The following RASSF8 variants were observed in gnomAD, a reference collection of about 807,000 sequenced individuals.
The protein encoded by RASSF8 is ras association domain-containing protein 8.
RASSF8 carries 22 observed loss-of-function variants against 48.5 expected under a neutral mutation model. The ratio of observed to expected loss-of-function variants is 0.45; its 90% confidence interval spans 0.32 to 0.65. The LOEUF is 0.65. RASSF8 is among the 30% of genes least tolerant of loss of function. The pLI, the probability that RASSF8 is intolerant of heterozygous loss-of-function variation, is 0.03. For missense variants in RASSF8, 418 were observed against 489.2 expected (o/e 0.85, Z 1.37); for synonymous variants, 127 against 171.5 (o/e 0.74, Z 2.03).
Position 26,070,910 on chromosome 12 carries a change from C to T in RASSF8, c.*2092C>T. 1.0e-6 allele frequency: 1 copy of T among 984,738 alleles called. No homozygotes were observed. Among genetic ancestry groups the T allele is most frequent in the African/African-American group, 1.7e-5 (1 of 57,318 alleles). 61.0% of individuals were successfully genotyped at this position (984,738 alleles called of 1,614,324 possible). A position where few individuals can be genotyped will look rare whatever the true frequency, so the allele number is the denominator to read the frequency against. On this transcript the variant is annotated 3_prime_UTR_variant, in exon 6 of 6. Transcript: ENST00000689635. ...CATTATAAATTGTTATCAGAATTAA[C>T]CTAATAACTTTAAGTAAGGACAAGC... is the stretch of plus-strand genomic sequence containing the variant.
intron 2 of RASSF8, among the ~76,000 whole-genome samples, chr12:26,036,276 A>G (rs1333049607): frequency 6.6e-6 from 1 of 151,930 alleles, no homozygotes; most frequent in Non-Finnish European, 1.5e-5. Flanking sequence ...ATCGGGGGAA[A>G]CCAATGGCTT....
At chr12:26,041,363 A>G (rs540768333) in intron 2 of RASSF8, among the ~76,000 whole-genome samples, 6 of 152,254 alleles carry the variant, frequency 3.9e-5, no homozygotes, top group African/African-American at 1.2e-4. Flanking sequence ...TTGCTTCTTC[A>G]GGAGCTCAGT....
intron 1 of RASSF8, among the ~76,000 whole-genome samples, chr12:25,962,204 G>C (rs1941253164): frequency 6.6e-6 from 1 of 152,144 alleles, no homozygotes; most frequent in African/African-American, 2.4e-5. Flanking sequence ...ATCTCTTGCT[G>C]TCATCTTGGC....
In RASSF8 at chr12:26,064,923, C is replaced by T; in HGVS notation, c.529C>T (p.Leu177Phe). ...GCTAATCCGTCTGCAGACAGAGAAG[C>T]TTCAATCCATTGAGAAACAGCTGGA... ...KKLIRLQTEK[L>F]QSIEKQLESN... The change falls in exon 4 of 6, where the codon CTT (leucine) becomes TTT (phenylalanine). Residue 177 changes from leucine (L) to phenylalanine (F), a missense_variant. Leu to Phe is a conservative substitution (Grantham distance 22). Coordinates refer to ENST00000689635, the MANE Select transcript of RASSF8 (RefSeq NM_001394098.1). 6.2e-7 allele frequency: 1 copy of T among 1,614,144 alleles called. No homozygotes were observed.
chr12:25,967,977 C>T (rs1941397118), intron 1 of RASSF8, among the ~76,000 whole-genome samples: 1 of 152,232 alleles, frequency 6.6e-6, no homozygotes, highest in Non-Finnish European at 1.5e-5. Flanking sequence ...AGTAATCCAT[C>T]CTCTCTCCCG....
intron 2 of RASSF8, among the ~76,000 whole-genome samples, chr12:26,042,842 T>C (rs556583303): frequency 6.6e-6 from 1 of 152,298 alleles, no homozygotes; most frequent in East Asian, 1.9e-4. Flanking sequence ...GATATCATAT[T>C]CACAGTAGCA....
chr12:26,021,224 A>G (rs1287697683), intron 2 of RASSF8, among the ~76,000 whole-genome samples: 4 of 152,216 alleles, frequency 2.6e-5, no homozygotes, highest in Admixed American at 1.3e-4. Context: ...TGTCCTACAG[A>G]CACTCAACAA....
intron 2 of RASSF8, among the ~76,000 whole-genome samples, chr12:25,996,020 C>T (rs186839799): frequency 6.6e-6 from 1 of 152,296 alleles, no homozygotes; most frequent in Admixed American, 6.5e-5. Context: ...CTAATAATTG[C>T]TAGATTATAT....
At chr12:26,047,415 C>T (rs1178827267) in intron 2 of RASSF8, among the ~76,000 whole-genome samples, 3 of 152,124 alleles carry the variant, frequency 2.0e-5, no homozygotes, top group African/African-American at 7.2e-5. Flanking sequence ...TTGAGAGGGG[C>T]AACTCCCTCA....
intron 2 of RASSF8, among the ~76,000 whole-genome samples, chr12:26,029,854 T>A (rs17459910): frequency 0.1 from 15,215 of 152,254 alleles, 805 homozygotes; most frequent in Middle Eastern, 0.16. Context: ...GAATCAGCCA[T>A]CTAACCAACA....
Position 25,966,011 on chromosome 12 carries a change from G to A in RASSF8, c.-203+6863G>A, listed in dbSNP as rs117729961. Among the ~76,000 whole-genome samples the A allele has an allele frequency of 2.4e-4, 36 of 152,258 alleles. 1 individual carries two copies. In the East Asian group the frequency reaches 6.9e-3, roughly 29 times the overall value. On this transcript the variant is annotated intron_variant, in intron 1 of 5. Coordinates refer to ENST00000689635, the MANE Select transcript of RASSF8 (RefSeq NM_001394098.1). ...TTATGAATACTTGCATACAAGTATT[G>A]TATAGACATATACTTTCATTTATCT... is the stretch of plus-strand genomic sequence containing the variant.
intron 2 of RASSF8, among the ~76,000 whole-genome samples, chr12:26,039,050 T>A (rs1943209806): frequency 6.6e-6 from 1 of 152,208 alleles, no homozygotes; most frequent in African/African-American, 2.4e-5. Flanking sequence ...CACAGAACTG[T>A]AAGGAACATC....
chr12:26,004,979 C>A (rs116182792), intron 2 of RASSF8, among the ~76,000 whole-genome samples: 1 of 151,568 alleles, frequency 6.6e-6, no homozygotes, highest in South Asian at 2.1e-4. Context: ...CAAAGGGAGA[C>A]CCTGTCTTTA....
chr12:26,007,794 A>G (rs931776817), intron 2 of RASSF8, among the ~76,000 whole-genome samples: 1 of 152,236 alleles, frequency 6.6e-6, no homozygotes, highest in Non-Finnish European at 1.5e-5. Flanking sequence ...GAAAGGATCA[A>G]AATTATTTAC....
intron 2 of RASSF8, among the ~76,000 whole-genome samples, chr12:26,000,877 A>G (rs1483561658): frequency 6.6e-6 from 1 of 151,212 alleles, no homozygotes; most frequent in African/African-American, 2.4e-5. Context: ...GCTCTGGGTG[A>G]GGCAGTGATT....
At chr12:26,042,377 C>A (rs1374929627) in intron 2 of RASSF8, among the ~76,000 whole-genome samples, 1 of 152,062 alleles carries the variant, frequency 6.6e-6, no homozygotes, top group Non-Finnish European at 1.5e-5. Flanking sequence ...ATTTATAAAC[C>A]AGAATCTGAA....
At chr12:26,078,872 TAAATG>T (rs1762115153) in intron 5 of RASSF8, among the ~76,000 whole-genome samples, 1 of 152,154 alleles carries the variant, frequency 6.6e-6, no homozygotes, top group South Asian at 2.1e-4. Flanking sequence ...CTTGTAAACT[TAAATG>T]AATATTTCTA....
chr12:26,000,359 A>G (rs1399514019), intron 2 of RASSF8, among the ~76,000 whole-genome samples: 1 of 152,210 alleles, frequency 6.6e-6, no homozygotes, highest in Non-Finnish European at 1.5e-5. Context: ...GCAAATGTTA[A>G]ATGGAATAAT....
At chr12:25,991,921 G>C (rs1041230886) in intron 1 of RASSF8, among the ~76,000 whole-genome samples, 1 of 152,148 alleles carries the variant, frequency 6.6e-6, no homozygotes, top group African/African-American at 2.4e-5. Context: ...ATCACGTTAA[G>C]TTTTACCAAA....
Sources: allele counts gnomAD v4.1 joint callset (sites outside exome capture counted in the v4.1 genomes callset), GRCh38; gene constraint gnomAD v4.1.1; transcripts MANE v1.5; gene names NCBI Gene and HGNC (gene_info 2026-07-23, HGNC 2026-07-21).